Variants in HMGXB4 observed in about 807,000 individuals in gnomAD.
The protein encoded by HMGXB4 is HMG domain-containing protein 4.
HMGXB4 carries 27 observed loss-of-function variants against 63.9 expected under a neutral mutation model. The ratio of observed to expected loss-of-function variants is 0.42; its 90% CI spans 0.31 to 0.58. The LOEUF is 0.58. Ranked by LOEUF, HMGXB4 falls within the 20% of genes least tolerant of loss-of-function variation. The probability of loss-of-function intolerance (pLI) is 0.13; values close to 1 mark genes in which losing one functional copy is unlikely to be tolerated. For synonymous variants in HMGXB4, 264 were observed against 265.3 expected (o/e 0.99, Z 0.05); for missense variants, 624 against 700.7 (o/e 0.89, Z 1.24).
rs967293880 is a variant in HMGXB4, at chr22:35,282,370, G to A, written c.1216-1592G>A. ...TTTTTATATTTTTAGTAGAGACGGG[G>A]TTTCACCGTGTTAGCCAGGATGACC... On this transcript the variant is annotated intron_variant, in intron 5 of 10. Coordinates refer to ENST00000216106, the MANE Select transcript of HMGXB4 (RefSeq NM_001003681.3). Among the ~76,000 whole-genome samples, 9 of 152,182 alleles carry A rather than the reference G, an allele frequency of 5.9e-5. No individual in the cohort carries two copies. The East Asian group carries it at 7.7e-4, about 13-fold the overall frequency.
upstream of HMGXB4, chr22:35,257,446 G>A (rs1177348109): frequency 2.0e-5 from 3 of 152,720 alleles, no homozygotes; most frequent in Non-Finnish European, 4.4e-5. Context: ...CGGAGCCCGA[G>A]TCTGCGCTCT....
chr22:35,289,033 G>A (rs1311815292), intron 9 of HMGXB4, among the ~76,000 whole-genome samples: 2 of 152,092 alleles, frequency 1.3e-5, no homozygotes, highest in African/African-American at 2.4e-5. Context: ...CCAGCTACTC[G>A]GGAGGCTGAG....
upstream of HMGXB4, among the ~76,000 whole-genome samples, chr22:35,254,221 C>A (rs1211916428): frequency 6.6e-6 from 1 of 152,212 alleles, no homozygotes; most frequent in Non-Finnish European, 1.5e-5. Flanking sequence ...AGTGCCCCCT[C>A]TTCACATATG....
Position 35,293,680 on chromosome 22 carries a change from A to C in HMGXB4, c.*29A>C, listed in dbSNP as rs545545078. 1 of 1,550,792 alleles carries C rather than the reference A, an allele frequency of 6.4e-7. No homozygotes were observed. The highest frequency in any genetic ancestry group is 1.7e-5 in the Admixed American group (1 of 59,922). On this transcript the variant is annotated 3_prime_UTR_variant, in exon 11 of 11. Transcript: ENST00000216106. ...CAAAGAATCCTGGGACAGAAACCTT[A>C]TCCTACACCATTGCTGGTTTGTGTA... is the stretch of plus-strand genomic sequence containing the variant.
chr22:35,294,471 C>T lies in HMGXB4; in HGVS notation c.*820C>T, dbSNP rs1429882196. The T allele has an allele frequency of 2.0e-5, 3 of 152,586 alleles. No homozygotes were observed. The highest frequency in any genetic ancestry group is 2.9e-5 in the Non-Finnish European group (2 of 68,036). The allele number at this position is 152,586 out of a possible 1,614,324, so 9.5% of individuals were successfully genotyped here. ...AGTTAGCCACCAAGTCCTCACAAGC[C>T]GTGCTGCTTAGTTGCTCGGTGGTTA... On this transcript the variant is annotated 3_prime_UTR_variant, in exon 11 of 11. Transcript: ENST00000216106.
upstream of HMGXB4, among the ~76,000 whole-genome samples, chr22:35,256,053 TAAGA>T (rs1461014723): frequency 2.0e-5 from 3 of 152,226 alleles, no homozygotes; most frequent in Non-Finnish European, 4.4e-5. Flanking sequence ...CTCACAGTTG[TAAGA>T]AACAGAATCA....
In HMGXB4 at chr22:35,263,015, C is replaced by G. The variant is rs184356295; in HGVS notation, c.32-63C>G. 13 of 1,465,676 alleles carry G rather than the reference C, an allele frequency of 8.9e-6. 1 individual carries two copies. The highest frequency in any genetic ancestry group is 1.7e-4 in the Middle Eastern group (1 of 5,778). The allele number at this position is 1,465,676 out of a possible 1,614,324, so 90.8% of individuals were successfully genotyped here. The stretch of plus-strand genomic sequence containing the variant: ...AGGAACTGTTGCATTACCTGCATGA[C>G]GATTTGGTCATTACTTACTTGACTT... On this transcript the variant is annotated intron_variant, in intron 2 of 10. Coordinates refer to ENST00000216106, the MANE Select transcript of HMGXB4 (RefSeq NM_001003681.3).
upstream of HMGXB4, among the ~76,000 whole-genome samples, chr22:35,253,132 CAAAAAAAAA>C (rs554912249): frequency 2.1e-5 from 2 of 96,590 alleles, no homozygotes; most frequent in African/African-American, 5.2e-5. Context: ...AACTCCATCT[CAAAAAAAAA>C]AAAAAAAAAG....
intron 5 of HMGXB4, among the ~76,000 whole-genome samples, chr22:35,278,573 T>C (rs901912664): frequency 6.6e-6 from 1 of 152,176 alleles, no homozygotes; most frequent in Non-Finnish European, 1.5e-5. Context: ...GGAATGAGTC[T>C]ACCCAAGAAA....
intron 6 of HMGXB4, among the ~76,000 whole-genome samples, chr22:35,284,884 A>C (rs1305178337): frequency 2.0e-5 from 3 of 152,212 alleles, no homozygotes; most frequent in East Asian, 1.9e-4. Flanking sequence ...TACCAACTCC[A>C]AAAGACTGCA....
the HMGXB4 span, among the ~76,000 whole-genome samples, chr22:35,245,817 C>T: frequency 6.6e-6 from 1 of 152,124 alleles, no homozygotes; most frequent in Non-Finnish European, 1.5e-5. Flanking sequence ...GTGGGAGCTT[C>T]GGCCCTCTGC....
Position 35,257,539 on chromosome 22 carries a change from C to G in HMGXB4, c.-87C>G, listed in dbSNP as rs927696018. Reference sequence around the variant, plus strand: ...GCGATCGGCGGCGTTGAGGCGGGATCCGGGCGAGCCGAGTGAAGGTAGCGG... The same window carrying G: ...GCGATCGGCGGCGTTGAGGCGGGATGCGGGCGAGCCGAGTGAAGGTAGCGG... On this transcript the variant is annotated 5_prime_UTR_variant, in exon 1 of 11. In the 5' UTR this introduces an upstream ATG that the reference lacks. Coordinates refer to ENST00000216106, the MANE Select transcript of HMGXB4 (RefSeq NM_001003681.3). 1.3e-5 allele frequency: 2 copies of G among 152,978 alleles called. No individual in the cohort carries two copies. The highest frequency in any genetic ancestry group is 3.9e-4 in the East Asian group (2 of 5,180). The allele number at this position is 152,978 out of a possible 1,614,324, so 9.5% of individuals were successfully genotyped here.
At chr22:35,245,327 C>CTT in the HMGXB4 span, among the ~76,000 whole-genome samples, 97 of 83,082 alleles carry the variant, frequency 1.2e-3, no homozygotes, top group African/African-American at 2.0e-3. Flanking sequence ...ATGAAACTTT[C>CTT]TATTTTTTTT....
At position 35,262,388 on chromosome 22, in the gene HMGXB4, A is replaced by G; in HGVS notation, c.-3A>G. On this transcript the variant is annotated 5_prime_UTR_variant, in exon 2 of 11. Transcript: ENST00000216106. ...ACATTCTCAAAGGCCCTGCAGGACC[A>G]CCATGGCTTATGATGACTCCGTGAA... The G allele has an allele frequency of 6.2e-7, 1 of 1,614,042 alleles. No individual in the cohort carries two copies. The highest frequency in any genetic ancestry group is 8.5e-7 in the Non-Finnish European group (1 of 1,179,900).
rs76767688 is a variant in HMGXB4, at chr22:35,270,092, G to A, written c.1215+4489G>A. 8.8e-3 allele frequency among the ~76,000 whole-genome samples: 1,344 copies of A among 152,338 alleles called. 51 individuals carry two copies. The East Asian group carries it at 0.1, about 12-fold the overall frequency. ...GATCTACCTACAGCAGGGGTCCCCAGTCCCCAGACCACAGACCAGTAGCCG... is the reference window on the plus strand; with the variant it reads ...GATCTACCTACAGCAGGGGTCCCCAATCCCCAGACCACAGACCAGTAGCCG... On this transcript the variant is annotated intron_variant, in intron 5 of 10. Transcript: ENST00000216106.
intron 5 of HMGXB4, among the ~76,000 whole-genome samples, chr22:35,268,438 A>G (rs754514508): frequency 4.9e-4 from 74 of 151,762 alleles, no homozygotes; most frequent in Non-Finnish European, 8.4e-4. Flanking sequence ...TTCTACACTT[A>G]CTGTAATAAG....
chr22:35,277,859 C>T (rs556492228), intron 5 of HMGXB4, among the ~76,000 whole-genome samples: 1 of 152,306 alleles, frequency 6.6e-6, no homozygotes, highest in African/African-American at 2.4e-5. Flanking sequence ...ATTGACACAT[C>T]ATTATCACCC....
Position 35,265,383 on chromosome 22 carries a change from A to G in HMGXB4, c.995A>G (p.Glu332Gly). 6.2e-7 allele frequency: 1 copy of G among 1,614,118 alleles called. No homozygotes were observed. Among genetic ancestry groups the G allele is most frequent in the Non-Finnish European group, 8.5e-7 (1 of 1,180,002 alleles). Residue 332 changes from glutamate to glycine, a missense_variant, in exon 5 of 11, where the codon GAG becomes GGG. Physicochemically the swap from Glu to Gly is moderately conservative, Grantham distance 98 (BLOSUM62 -2). Coordinates refer to ENST00000216106, the MANE Select transcript of HMGXB4 (RefSeq NM_001003681.3). Reference sequence around the variant, plus strand: ...AAGAGCAAAAAGAAGAAAGACAAGGAGAAGCATAAAGAGAAGCGACACTCC... The same window carrying G: ...AAGAGCAAAAAGAAGAAAGACAAGGGGAAGCATAAAGAGAAGCGACACTCC... ...SKKSKKKKDK[E>G]KHKEKRHSKS... is the part of the protein sequence containing the mutation.
intron 5 of HMGXB4, among the ~76,000 whole-genome samples, chr22:35,277,813 C>G (rs1338740821): frequency 6.6e-6 from 1 of 152,206 alleles, no homozygotes; most frequent in Non-Finnish European, 1.5e-5. Context: ...CCATCCCCCA[C>G]CAGACTAGTA....
Sources: allele counts gnomAD v4.1 joint callset (sites outside exome capture counted in the v4.1 genomes callset), GRCh38; gene constraint gnomAD v4.1.1; transcripts MANE v1.5; gene names NCBI Gene and HGNC (gene_info 2026-07-23, HGNC 2026-07-21).